The following ZNF536 variants were observed in gnomAD, a reference collection of about 807,000 sequenced individuals.
ZNF536 encodes zinc finger protein 536.
A neutral mutation model predicts 84.5 loss-of-function variants in ZNF536; 13 were observed. The observed-to-expected ratio is 0.15, with a 90% confidence interval of 0.10 to 0.24. The LOEUF (loss-of-function observed/expected upper bound fraction) is 0.24. Among genes scored for constraint, ZNF536 ranks in the 10% least tolerant of loss-of-function variants. The pLI is 1.00. For missense variants in ZNF536, 1,536 were observed against 1,747.5 expected (o/e 0.88, Z 2.16); for synonymous variants, 811 against 742.5 (o/e 1.09, Z -1.50).
At chr19:30,448,842 T>C (rs1271885647) in intron 2 of ZNF536, among the ~76,000 whole-genome samples, 5 of 152,196 alleles carry the variant, frequency 3.3e-5, no homozygotes, top group African/African-American at 1.2e-4. Context: ...TGTTTAAAAA[T>C]GTCTTGCTCA....
intron 2 of ZNF536, among the ~76,000 whole-genome samples, chr19:30,308,212 G>T (rs912533063): frequency 4.6e-5 from 7 of 152,230 alleles, no homozygotes; most frequent in Non-Finnish European, 8.8e-5. Flanking sequence ...GGACAGAAGT[G>T]TATGGTTTGT....
chr19:30,230,567 C>A (rs1242091664), intron 1 of ZNF536, among the ~76,000 whole-genome samples: 1 of 152,180 alleles, frequency 6.6e-6, no homozygotes, highest in Non-Finnish European at 1.5e-5. Flanking sequence ...TGGTCCAAGT[C>A]AGAGGCCAAT....
At chr19:30,510,978 G>A (rs1385055331) in intron 2 of ZNF536, among the ~76,000 whole-genome samples, 1 of 152,168 alleles carries the variant, frequency 6.6e-6, no homozygotes, top group Non-Finnish European at 1.5e-5. Flanking sequence ...CTCCCATTTG[G>A]CCTCCTCAGA....
chr19:30,623,583 C>T (rs1406243412), intron 1 of ZNF536, among the ~76,000 whole-genome samples: 1 of 152,236 alleles, frequency 6.6e-6, no homozygotes, highest in Non-Finnish European at 1.5e-5. Context: ...GCTACAGCCT[C>T]TGCTGCTACA....
chr19:30,332,772 A>T (rs2044825864), intron 2 of ZNF536, among the ~76,000 whole-genome samples: 1 of 152,230 alleles, frequency 6.6e-6, no homozygotes, highest in Non-Finnish European at 1.5e-5. Flanking sequence ...TGCCTGATTC[A>T]TAAAAAGCAC....
At chr19:30,309,593 A>C (rs2046437737) in intron 2 of ZNF536, among the ~76,000 whole-genome samples, 1 of 152,186 alleles carries the variant, frequency 6.6e-6, no homozygotes, top group African/African-American at 2.4e-5. Context: ...CCATTTGATT[A>C]ATTGATATTC....
intron 2 of ZNF536, among the ~76,000 whole-genome samples, chr19:30,506,643 G>T (rs1568495610): frequency 1.3e-5 from 2 of 152,212 alleles, no homozygotes; most frequent in Non-Finnish European, 2.9e-5. Flanking sequence ...GGTGTGGGGT[G>T]CATGTGCGCT....
chr19:30,570,769 T>C (rs1258334659), intron 1 of ZNF536, among the ~76,000 whole-genome samples: 2 of 152,230 alleles, frequency 1.3e-5, no homozygotes, highest in Non-Finnish European at 2.9e-5. Flanking sequence ...ATACCCCTTT[T>C]TGTGTTGGTG....
chr19:30,610,986 G>T (rs1330000324), intron 1 of ZNF536, among the ~76,000 whole-genome samples: 1 of 152,224 alleles, frequency 6.6e-6, no homozygotes, highest in African/African-American at 2.4e-5. Context: ...CATTCGCTCA[G>T]TTGTGGCATT....
At chr19:30,254,788 A>T (rs1287743741) in intron 1 of ZNF536, among the ~76,000 whole-genome samples, 2 of 152,204 alleles carry the variant, frequency 1.3e-5, no homozygotes, top group Admixed American at 1.3e-4. Context: ...GATGGTGACT[A>T]GATAAAGCCT....
intron 1 of ZNF536, among the ~76,000 whole-genome samples, chr19:30,414,617 G>A (rs575026631): frequency 3.3e-5 from 5 of 152,226 alleles, no homozygotes; most frequent in East Asian, 1.9e-4. Context: ...ACAAGACAAA[G>A]CCTTATCTGT....
At chr19:30,556,987 G>A (rs910113446) in intron 4 of ZNF536, 170 bp from the exon 5 acceptor site, 15 of 674,002 alleles carry the variant, frequency 2.2e-5, no homozygotes, top group Admixed American at 1.3e-4. Context: ...CCCTAATCAT[G>A]TTGACTATTC....
intron 2 of ZNF536, among the ~76,000 whole-genome samples, chr19:30,319,278 T>C (rs2046781033): frequency 6.6e-6 from 1 of 152,248 alleles, no homozygotes; most frequent in Non-Finnish European, 1.5e-5. Context: ...GGAATGATAT[T>C]CTGCCTTTAT....
chr19:30,465,013 G>A (rs1769088522), intron 2 of ZNF536, among the ~76,000 whole-genome samples: 1 of 152,146 alleles, frequency 6.6e-6, no homozygotes, highest in African/African-American at 2.4e-5. Flanking sequence ...GAGCAGTGAT[G>A]TCAGCCCAGG....
At chr19:30,269,288 A>G (rs1179574761) in intron 1 of ZNF536, among the ~76,000 whole-genome samples, 2 of 152,204 alleles carry the variant, frequency 1.3e-5, no homozygotes, top group South Asian at 2.1e-4. Flanking sequence ...GAACATGAGG[A>G]CTCAGTGGGA....
At chr19:30,675,210 C>T (rs913530129) in intron 1 of ZNF536, among the ~76,000 whole-genome samples, 1 of 152,168 alleles carries the variant, frequency 6.6e-6, no homozygotes, top group Non-Finnish European at 1.5e-5. Flanking sequence ...TAGACACTTC[C>T]ACAGAGATTT....
chr19:30,451,733 C>T (rs1232432017), intron 2 of ZNF536, among the ~76,000 whole-genome samples: 1 of 152,232 alleles, frequency 6.6e-6, no homozygotes, highest in African/African-American at 2.4e-5. Context: ...TCACTTGGCC[C>T]ATCTGTGGGA....
intron 2 of ZNF536, among the ~76,000 whole-genome samples, chr19:30,448,473 A>T (rs187602557): frequency 3.9e-5 from 6 of 152,354 alleles, no homozygotes; most frequent in Admixed American, 2.6e-4. Context: ...TTAAGCCCTT[A>T]AGTAAAGAAA....
chr19:30,525,701 C>T (rs544783224), intron 2 of ZNF536, among the ~76,000 whole-genome samples: 86 of 152,184 alleles, frequency 5.7e-4, no homozygotes, highest in Middle Eastern at 3.4e-3. Context: ...GACTTTTACA[C>T]GAAAGTTAGA....
Sources: allele counts gnomAD v4.1 joint callset (sites outside exome capture counted in the v4.1 genomes callset), GRCh38; gene constraint gnomAD v4.1.1; transcripts MANE v1.5; gene names NCBI Gene and HGNC (gene_info 2026-07-23, HGNC 2026-07-21).